CSGALNACT1: variants seen among roughly 807,000 people sequenced by gnomAD.
The protein encoded by CSGALNACT1 is beta4GalNAcT-1.
A neutral mutation model predicts 51.0 loss-of-function variants in CSGALNACT1; 52 were observed. That is an observed-to-expected ratio of 1.02 (90% CI 0.82 to 1.29). The LOEUF is 1.29. CSGALNACT1 is among the 50% of genes most tolerant of loss of function. The probability of loss-of-function intolerance (pLI) is 0.00; values close to 1 mark genes in which losing one functional copy is unlikely to be tolerated. For synonymous variants in CSGALNACT1, 341 were observed against 254.4 expected, an observed-to-expected ratio of 1.34 and a Z score of -3.24; for missense variants, 935 against 679.2, an observed-to-expected ratio of 1.38 and a Z score of -4.19.
Position 19,435,085 on chromosome 8 carries a change from G to T in CSGALNACT1, c.953+4745C>A, listed in dbSNP as rs2060177778. Among the ~76,000 whole-genome samples, 4 of 152,304 alleles carry T rather than the reference G, an allele frequency of 2.6e-5. No homozygotes were observed. The South Asian group carries it at 8.3e-4, about 32-fold the overall frequency. ...TCATTTCTAGCATCTCAATCTCAGAGATGATTCCTCTGAAGGATGCTTTCA... is the reference window on the plus strand; with the variant it reads ...TCATTTCTAGCATCTCAATCTCAGATATGATTCCTCTGAAGGATGCTTTCA... On this transcript the variant is annotated intron_variant, in intron 6 of 9. Coordinates refer to ENST00000454498, the Ensembl canonical transcript of CSGALNACT1.
At chr8:19,559,072 T>C (rs985686563) in intron 3 of CSGALNACT1, among the ~76,000 whole-genome samples, 1 of 152,164 alleles carries the variant, frequency 6.6e-6, no homozygotes, top group African/African-American at 2.4e-5. Flanking sequence ...TTTTTATTCC[T>C]CAGGGAACTT....
intron 3 of CSGALNACT1, among the ~76,000 whole-genome samples, chr8:19,552,616 G>A (rs2088458458): frequency 6.6e-6 from 1 of 152,156 alleles, no homozygotes; most frequent in Non-Finnish European, 1.5e-5. Flanking sequence ...ATTAAAGATG[G>A]ACTTTTTATA....
intron 4 of CSGALNACT1, among the ~76,000 whole-genome samples, chr8:19,463,645 C>G (rs748701634): frequency 1.3e-4 from 20 of 152,176 alleles, no homozygotes; most frequent in Admixed American, 2.6e-4. Context: ...TGCAGAACAG[C>G]ATCATTTCGT....
intron 4 of CSGALNACT1, among the ~76,000 whole-genome samples, chr8:19,477,632 A>C (rs531690848): frequency 1.6e-4 from 24 of 152,342 alleles, no homozygotes; most frequent in African/African-American, 5.8e-4. Context: ...TCATATCCCA[A>C]TTAAAAGGAA....
rs532438667 is a variant in CSGALNACT1, at chr8:19,413,194, G to A, written c.1228-4500C>T. 1.2e-4 allele frequency among the ~76,000 whole-genome samples: 19 copies of A among 152,276 alleles called. No individual in the cohort carries two copies. In the East Asian group the frequency reaches 3.5e-3, roughly 28 times the overall value. Reference sequence around the variant, plus strand: ...CTTCAAGGGAATCATGCTGGACAAGGAGTCATCCAGGTTCTGCCATTTCCA... The same window carrying A: ...CTTCAAGGGAATCATGCTGGACAAGAAGTCATCCAGGTTCTGCCATTTCCA... On this transcript the variant is annotated intron_variant, in intron 8 of 9. Transcript: ENST00000454498.
At chr8:19,530,199 C>T (rs573380480) in intron 3 of CSGALNACT1, among the ~76,000 whole-genome samples, 14 of 151,706 alleles carry the variant, frequency 9.2e-5, no homozygotes, top group African/African-American at 3.4e-4. Context: ...CCAGCCTGGG[C>T]AACAGAGCGA....
At chr8:19,447,747 G>T (rs1215155453) in intron 5 of CSGALNACT1, among the ~76,000 whole-genome samples, 1 of 152,190 alleles carries the variant, frequency 6.6e-6, no homozygotes, top group Non-Finnish European at 1.5e-5. Context: ...AAACTGACTT[G>T]TCAGAGAGGG....
intron 3 of CSGALNACT1, among the ~76,000 whole-genome samples, chr8:19,584,959 T>A (rs904192809): frequency 6.6e-6 from 1 of 152,164 alleles, no homozygotes; most frequent in African/African-American, 2.4e-5. Context: ...AGAACCCAAA[T>A]AGACTTAAGT....
chr8:19,525,018 A>C (rs1160833473), intron 3 of CSGALNACT1, among the ~76,000 whole-genome samples: 1 of 152,198 alleles, frequency 6.6e-6, no homozygotes, highest in Non-Finnish European at 1.5e-5. Context: ...AATAGTGCCT[A>C]GCACAAACTG....
At position 19,753,252 on chromosome 8, in the gene CSGALNACT1, T is replaced by C. The variant is rs181974371; in HGVS notation, c.-297+4598A>G. On this transcript the variant is annotated intron_variant, in intron 1 of 1. Coordinates refer to the CSGALNACT1 transcript ENST00000517494. ...CTAAAAGTAATCCAAAACATTTAGC[T>C]TAATCAGAGGGAAATGATATTTAAA... is the stretch of plus-strand genomic sequence containing the variant. Among the ~76,000 whole-genome samples, 408 of 152,250 alleles carry C rather than the reference T, an allele frequency of 2.7e-3. 1 individual carries two copies. The highest frequency in any genetic ancestry group is 9.3e-3 in the African/African-American group (386 of 41,556).
At chr8:19,664,592 C>T (rs55651857) in intron 1 of CSGALNACT1, among the ~76,000 whole-genome samples, 3,009 of 152,108 alleles carry the variant, frequency 0.02, 49 homozygotes, top group South Asian at 0.047. Flanking sequence ...TATTCACCAA[C>T]GTATGCTTAA....
intron 2 of CSGALNACT1, among the ~76,000 whole-genome samples, chr8:19,599,474 A>G (rs868119749): frequency 1.4e-4 from 10 of 71,356 alleles, no homozygotes; most frequent in African/African-American, 4.0e-4. Context: ...AAGAAAGAAA[A>G]AGAAAGAAAG....
At chr8:19,664,676 C>T (rs1470446932) in intron 1 of CSGALNACT1, among the ~76,000 whole-genome samples, 3 of 150,940 alleles carry the variant, frequency 2.0e-5, no homozygotes, top group African/African-American at 7.3e-5. Context: ...TACACACATA[C>T]ACACATATAC....
chr8:19,614,750 A>C (rs2052763384), intron 1 of CSGALNACT1, among the ~76,000 whole-genome samples: 1 of 152,204 alleles, frequency 6.6e-6, no homozygotes, highest in African/African-American at 2.4e-5. Context: ...CAAACTCTTC[A>C]ATTTACAGAT....
intron 1 of CSGALNACT1, among the ~76,000 whole-genome samples, chr8:19,732,194 C>T (rs987180695): frequency 2.6e-5 from 4 of 152,248 alleles, no homozygotes; most frequent in East Asian, 1.9e-4. Context: ...ACTAGCATAA[C>T]GGTTGTGTTT....
chr8:19,550,064 T>C (rs77320592), intron 3 of CSGALNACT1, among the ~76,000 whole-genome samples: 2,591 of 152,316 alleles, frequency 0.017, 32 homozygotes, highest in Non-Finnish European at 0.029. Flanking sequence ...TCTTTCCACA[T>C]GGAAATTCAT....
upstream of CSGALNACT1, among the ~76,000 whole-genome samples, chr8:19,686,880 G>C (rs2061007951): frequency 6.6e-6 from 1 of 152,120 alleles, no homozygotes; most frequent in Non-Finnish European, 1.5e-5. Context: ...GACTTCTGGT[G>C]GGGCACATCT....
intron 1 of CSGALNACT1, among the ~76,000 whole-genome samples, chr8:19,629,140 A>G (rs2154168280): frequency 6.6e-6 from 1 of 152,226 alleles, no homozygotes; most frequent in East Asian, 1.9e-4. Flanking sequence ...CACCTTCTGT[A>G]AAGACTTTTG....
intron 1 of CSGALNACT1, among the ~76,000 whole-genome samples, chr8:19,630,336 A>G (rs1024553058): frequency 6.6e-6 from 1 of 151,908 alleles, no homozygotes; most frequent in African/African-American, 2.4e-5. Flanking sequence ...AATAGAGTTT[A>G]ATTTTTAGAG....
Sources: allele counts gnomAD v4.1 joint callset (sites outside exome capture counted in the v4.1 genomes callset), GRCh38; gene constraint gnomAD v4.1.1; transcripts MANE v1.5; gene names NCBI Gene and HGNC (gene_info 2026-07-23, HGNC 2026-07-21).